Variants in SPEF2 observed in about 807,000 individuals in gnomAD.
SPEF2 encodes sperm flagella and cilia-associated protein 2.
In SPEF2, 187 loss-of-function variants were observed where a neutral mutation model predicts 224.6. The ratio of observed to expected loss-of-function variants is 0.83; its 90% CI spans 0.74 to 0.94. SPEF2 has a LOEUF of 0.94. Among genes scored for constraint, SPEF2 ranks in the 40% least tolerant of loss-of-function variants. SPEF2 has a pLI of 0.00. For synonymous variants in SPEF2, 715 were observed against 707.3 expected, an observed-to-expected ratio of 1.01 and a Z score of -0.17; for missense variants, 2,170 against 2,135.6, an observed-to-expected ratio of 1.02 and a Z score of -0.32.
At chr5:35,706,102 C>T (rs1739708507) in intron 18 of SPEF2, among the ~76,000 whole-genome samples, 1 of 151,152 alleles carries the variant, frequency 6.6e-6, no homozygotes. Flanking sequence ...TGTTAATTCA[C>T]ATTTTATTCT....
chr5:35,780,787 A>T (rs1754235084), intron 30 of SPEF2, among the ~76,000 whole-genome samples: 1 of 152,158 alleles, frequency 6.6e-6, no homozygotes, highest in African/African-American at 2.4e-5. Flanking sequence ...ACTGGGAGGA[A>T]ATCACTCAAT....
At chr5:35,672,865 A>G (rs1468046514) in intron 10 of SPEF2, among the ~76,000 whole-genome samples, 2 of 152,206 alleles carry the variant, frequency 1.3e-5, no homozygotes, top group Non-Finnish European at 2.9e-5. Flanking sequence ...TGTTCTGTTC[A>G]AATAAGCTAT....
At chr5:35,704,932 G>A (rs1739443527) in intron 17 of SPEF2, among the ~76,000 whole-genome samples, 1 of 152,064 alleles carries the variant, frequency 6.6e-6, no homozygotes, top group Non-Finnish European at 1.5e-5. Context: ...TTAATTATAT[G>A]GAATCCTGAT....
chr5:35,804,239 A>G (rs1223031721), intron 34 of SPEF2, among the ~76,000 whole-genome samples: 1 of 152,242 alleles, frequency 6.6e-6, no homozygotes, highest in Non-Finnish European at 1.5e-5. Flanking sequence ...ATGGTCAGGA[A>G]GACACACAGG....
intron 21 of SPEF2, among the ~76,000 whole-genome samples, chr5:35,735,284 T>G (rs1462212926): frequency 6.6e-6 from 1 of 152,194 alleles, no homozygotes; most frequent in Non-Finnish European, 1.5e-5. Flanking sequence ...TAGAATGACT[T>G]GGATCAGATC....
chr5:35,695,426 C>T (rs553523457), intron 13 of SPEF2, among the ~76,000 whole-genome samples: 53 of 151,766 alleles, frequency 3.5e-4, no homozygotes, highest in Non-Finnish European at 4.4e-5. Context: ...TTCTGAAAAG[C>T]GAACCCCGAC....
chr5:35,727,320 T>C (rs532243477), intron 20 of SPEF2, among the ~76,000 whole-genome samples: 14 of 152,148 alleles, frequency 9.2e-5, no homozygotes, highest in Non-Finnish European at 1.8e-4. Context: ...TCATTCAAGG[T>C]GGAGAGTTTA....
chr5:35,652,694 T>C (rs1748374447), intron 6 of SPEF2, among the ~76,000 whole-genome samples: 1 of 152,190 alleles, frequency 6.6e-6, no homozygotes, highest in South Asian at 2.1e-4. Flanking sequence ...ATACTTCTCT[T>C]ATTCACTAGG....
chr5:35,654,527 C>G lies in SPEF2; in HGVS notation c.792-13C>G, dbSNP rs766648778. On this transcript the variant is annotated splice_polypyrimidine_tract_variant and intron_variant, in intron 6 of 36. Coordinates refer to ENST00000356031, the MANE Select transcript of SPEF2 (RefSeq NM_024867.4). ...ATTATTTAAAAATCTAAAATAAAAA[C>G]TATTATTCTTAGTGCATCCAAGACT... The G allele has an allele frequency of 6.5e-7, 1 of 1,543,040 alleles. No homozygotes were observed. The highest frequency in any genetic ancestry group is 2.2e-5 in the Admixed American group (1 of 44,794).
At chr5:35,798,391 G>C (rs142492880) in intron 33 of SPEF2, among the ~76,000 whole-genome samples, 3 of 152,046 alleles carry the variant, frequency 2.0e-5, no homozygotes. Context: ...GGCCTGCCCC[G>C]ACCTTGGGAG....
At chr5:35,792,569 G>A in intron 31 of SPEF2, 123 bp downstream of exon 31, 2 of 690,154 alleles carry the variant, frequency 2.9e-6, no homozygotes, top group Non-Finnish European at 4.8e-6. Context: ...TCAATGAAAT[G>A]TGAGTGAATG....
intron 10 of SPEF2, among the ~76,000 whole-genome samples, chr5:35,676,693 C>T (rs1752071687): frequency 6.6e-6 from 1 of 151,978 alleles, no homozygotes; most frequent in African/African-American, 2.4e-5. Flanking sequence ...CGTGCCACTG[C>T]ACTCCAGCCT....
intron 32 of SPEF2, among the ~76,000 whole-genome samples, chr5:35,794,939 AT>A (rs1398092818): frequency 6.6e-6 from 1 of 151,628 alleles, no homozygotes; most frequent in Non-Finnish European, 1.5e-5. Flanking sequence ...TGAAACCCCC[AT>A]TTGAAAAGGC....
chr5:35,751,923 T>A (rs1323107775), intron 23 of SPEF2, among the ~76,000 whole-genome samples: 1 of 152,146 alleles, frequency 6.6e-6, no homozygotes, highest in African/African-American at 2.4e-5. Flanking sequence ...CCAACCTTTT[T>A]GGCACCAGGG....
chr5:35,622,671 C>A (rs1186666835), intron 1 of SPEF2, among the ~76,000 whole-genome samples: 1 of 152,160 alleles, frequency 6.6e-6, no homozygotes, highest in Non-Finnish European at 1.5e-5. Flanking sequence ...ATTAGAAAAT[C>A]TATTGCTTCT....
At chr5:35,744,890 A>G (rs1300032324) in intron 23 of SPEF2, among the ~76,000 whole-genome samples, 1 of 152,170 alleles carries the variant, frequency 6.6e-6, no homozygotes. Context: ...AGAACAAACC[A>G]GCAATCCCGA....
At chr5:35,633,093 G>A (rs1224457691) in intron 2 of SPEF2, 1 of 152,116 alleles carries the variant, frequency 6.6e-6, no homozygotes, top group Admixed American at 6.5e-5. Flanking sequence ...TGCACTTGAA[G>A]AGAATGTATA....
At chr5:35,643,152 G>A (rs1203260556) in intron 3 of SPEF2, among the ~76,000 whole-genome samples, 1 of 152,190 alleles carries the variant, frequency 6.6e-6, no homozygotes. Flanking sequence ...TGCTATAAGA[G>A]CTGTGTAGAT....
intron 24 of SPEF2, among the ~76,000 whole-genome samples, chr5:35,759,274 C>T (rs907777035): frequency 6.6e-6 from 1 of 152,042 alleles, no homozygotes. Context: ...AAATAGCATG[C>T]ACTACTTGAA....
Sources: allele counts gnomAD v4.1 joint callset (sites outside exome capture counted in the v4.1 genomes callset), GRCh38; gene constraint gnomAD v4.1.1; transcripts MANE v1.5; gene names NCBI Gene and HGNC (gene_info 2026-07-23, HGNC 2026-07-21).